The following BFSP1 variants were observed in gnomAD, a reference collection of about 807,000 sequenced individuals.
BFSP1 encodes filensin.
Under a neutral mutation model 43.9 loss-of-function variants are expected in BFSP1, and 38 were observed. That is an observed-to-expected ratio of 0.87 (90% CI 0.67 to 1.14). BFSP1 has a LOEUF of 1.14. Among genes scored for constraint, BFSP1 ranks in the 50% most tolerant of loss-of-function variants. The pLI, the probability that BFSP1 is intolerant of heterozygous loss-of-function variation, is 0.00. For synonymous variants in BFSP1, 352 were observed against 354.8 expected, an observed-to-expected ratio of 0.99 and a Z score of 0.09; for missense variants, 850 against 875.1, an observed-to-expected ratio of 0.97 and a Z score of 0.36.
chr20:17,538,656 G>A (rs1440528250), intron 1 of BFSP1, among the ~76,000 whole-genome samples: 1 of 152,144 alleles, frequency 6.6e-6, no homozygotes, highest in Non-Finnish European at 1.5e-5. Context: ...GTCTCAGAAT[G>A]TCCTTGAGAC....
chr20:17,554,780 C>T (rs1301822832), intron 1 of BFSP1, among the ~76,000 whole-genome samples: 1 of 152,022 alleles, frequency 6.6e-6, no homozygotes. Context: ...AAATTAGAAA[C>T]AAAGAAATAG....
chr20:17,562,515 AG>A (rs1204404365), upstream of BFSP1, among the ~76,000 whole-genome samples: 1 of 124,008 alleles, frequency 8.1e-6, no homozygotes, highest in African/African-American at 3.3e-5. Flanking sequence ...CAACAGAGTG[AG>A]ACTCTGTCTC....
chr20:17,514,352 A>G (rs367547782), intron 3 of BFSP1, among the ~76,000 whole-genome samples: 1 of 152,204 alleles, frequency 6.6e-6, no homozygotes, highest in East Asian at 1.9e-4. Context: ...GTGCTCCTGC[A>G]ATTAACGGGC....
intron 1 of BFSP1, among the ~76,000 whole-genome samples, chr20:17,537,313 C>T (rs984705290): frequency 6.6e-6 from 1 of 152,148 alleles, no homozygotes; most frequent in African/African-American, 2.4e-5. Context: ...AGCCAGGCCT[C>T]TCCATGAGGC....
upstream of BFSP1, among the ~76,000 whole-genome samples, chr20:17,532,128 T>C (rs1408397271): frequency 6.6e-6 from 1 of 152,184 alleles, no homozygotes; most frequent in Non-Finnish European, 1.5e-5. Flanking sequence ...GCCCCACCCA[T>C]GGGCCTGTAA....
At chr20:17,520,210 G>GCCCCCCCCCCCCCCCCCCCCCTCC (rs138070825) in intron 2 of BFSP1, among the ~76,000 whole-genome samples, 1 of 133,354 alleles carries the variant, frequency 7.5e-6, no homozygotes, top group Non-Finnish European at 1.6e-5. Context: ...GTTTTAACGT[G>GCCCCCCCCCCCCCCCCCCCCCTCC]CCCCCCCACC....
At chr20:17,561,961 C>A (rs1390767347), upstream of BFSP1, among the ~76,000 whole-genome samples, 2 of 151,960 alleles carry the variant, frequency 1.3e-5, no homozygotes, top group Admixed American at 6.6e-5. Context: ...TACACTGTCA[C>A]CCAGGCTGGA....
intron 1 of BFSP1, among the ~76,000 whole-genome samples, chr20:17,558,181 T>C (rs936356563): frequency 4.8e-5 from 7 of 147,070 alleles, no homozygotes; most frequent in Non-Finnish European, 1.5e-5. Flanking sequence ...AGGAGAAAAA[T>C]ACTTGTCTCT....
At chr20:17,520,753 T>C (rs1049880265) in intron 2 of BFSP1, among the ~76,000 whole-genome samples, 3 of 152,180 alleles carry the variant, frequency 2.0e-5, no homozygotes, top group Non-Finnish European at 4.4e-5. Context: ...TTTCCTCTCC[T>C]TCTCTTCTCC....
intron 5 of BFSP1, among the ~76,000 whole-genome samples, chr20:17,504,032 G>A (rs1332380890): frequency 6.6e-6 from 1 of 152,154 alleles, no homozygotes; most frequent in Non-Finnish European, 1.5e-5. Context: ...TGTGGTAGTG[G>A]TAGGGGGTGG....
intron 5 of BFSP1, among the ~76,000 whole-genome samples, chr20:17,501,761 C>G (rs943710219): frequency 3.3e-5 from 5 of 152,200 alleles, no homozygotes; most frequent in Admixed American, 3.3e-4. Context: ...GGCACGGTCC[C>G]AGCAACAAGA....
In BFSP1 at chr20:17,494,406, G is replaced by A. The variant is rs780541261; in HGVS notation, c.1666C>T (p.Pro556Ser). 1 of 1,614,072 alleles carries A rather than the reference G, an allele frequency of 6.2e-7. No homozygotes were observed. The highest frequency in any genetic ancestry group is 1.7e-5 in the Admixed American group (1 of 60,008). Residue 556 changes from proline to serine, a missense_variant, in exon 8 of 8, where the codon CCT becomes TCT. Physicochemically the swap from Pro to Ser is moderately conservative, Grantham distance 74. Transcript: ENST00000377873. ...TCCTCACCCTCACGTTTCTCTTCAG[G>A]GCCTTCCAGCTCTGCACCATCTGGC... ...IEPDGAELEG[P>S]EEKREGEERD... is the part of the protein sequence containing the mutation.
At chr20:17,559,930 T>A (rs2035051794), upstream of BFSP1, among the ~76,000 whole-genome samples, 1 of 152,042 alleles carries the variant, frequency 6.6e-6, no homozygotes, top group African/African-American at 2.4e-5. Context: ...GGACTGGCAG[T>A]GGAAATATTG....
At position 17,514,369 on chromosome 20, in the gene BFSP1, G is replaced by T. The variant is rs549726377; in HGVS notation, c.534+352C>A. On this transcript the variant is annotated intron_variant, in intron 3 of 7. Coordinates refer to ENST00000377873, the MANE Select transcript of BFSP1 (RefSeq NM_001195.5). ...GCTCCTGCAATTAACGGGCTCAGAG[G>T]CAGAGCTAAAAACAAGACTTTTTCA... Among the ~76,000 whole-genome samples, 30 of 152,332 alleles carry T rather than the reference G, an allele frequency of 2.0e-4. 1 individual carries two copies. The South Asian group carries it at 6.0e-3, about 31-fold the overall frequency.
intron 1 of BFSP1, among the ~76,000 whole-genome samples, chr20:17,553,836 TACAC>T (rs2034941367): frequency 9.4e-5 from 7 of 74,112 alleles, no homozygotes; most frequent in African/African-American, 1.9e-4. Context: ...TATATATATA[TACAC>T]ATATATATAC....
intron 1 of BFSP1, among the ~76,000 whole-genome samples, chr20:17,526,520 T>G (rs2034428072): frequency 6.6e-6 from 1 of 152,218 alleles, no homozygotes; most frequent in Non-Finnish European, 1.5e-5. Context: ...TTTTTAAGGG[T>G]GTATAATATT....
chr20:17,564,451 T>A (rs1327864945), intron 1 of BFSP1, among the ~76,000 whole-genome samples: 2 of 152,172 alleles, frequency 1.3e-5, no homozygotes, highest in African/African-American at 4.8e-5. Flanking sequence ...TGTACTTCTA[T>A]GTGTGAAGTA....
intron 1 of BFSP1, among the ~76,000 whole-genome samples, chr20:17,551,190 G>T (rs983281203): frequency 4.6e-5 from 7 of 152,198 alleles, no homozygotes; most frequent in Non-Finnish European, 7.3e-5. Context: ...TTGGCTCACG[G>T]TTCTGCAGGC....
chr20:17,533,811 C>A (rs575561636), upstream of BFSP1, among the ~76,000 whole-genome samples: 346 of 152,280 alleles, frequency 2.3e-3, 2 homozygotes, highest in Non-Finnish European at 4.3e-3. Flanking sequence ...ACAAAAAATT[C>A]TTTCAATTTA....
Sources: gnomAD v4.1 joint callset for allele counts (sites outside exome capture counted in the v4.1 genomes callset) on GRCh38, gnomAD v4.1.1 for gene constraint, MANE v1.5 for transcripts, NCBI Gene and HGNC (gene_info 2026-07-23, HGNC 2026-07-21) for gene names.